SLIT3: variants seen among roughly 807,000 people sequenced by gnomAD.
SLIT3 encodes slit homolog 3 protein.
Under a neutral mutation model 184.0 loss-of-function variants are expected in SLIT3, and 68 were observed. The observed-to-expected ratio is 0.37, with a 90% CI of 0.30 to 0.45. SLIT3 has a LOEUF of 0.45. SLIT3 is among the 20% of genes least tolerant of loss of function. The pLI is 1.00. For missense variants in SLIT3, 1,707 were observed against 2,026.0 expected (o/e 0.84, Z 3.02); for synonymous variants, 831 against 828.6 (o/e 1.00, Z -0.05).
chr5:169,112,860 C>T (rs1392525621), intron 4 of SLIT3, among the ~76,000 whole-genome samples: 2 of 152,086 alleles, frequency 1.3e-5, no homozygotes, highest in Non-Finnish European at 2.9e-5. Flanking sequence ...GTTGGGCGGC[C>T]CTTCTCCCAT....
chr5:168,855,738 T>C (rs543266088), intron 5 of SLIT3, among the ~76,000 whole-genome samples: 1 of 151,994 alleles, frequency 6.6e-6, no homozygotes, highest in East Asian at 1.9e-4. Flanking sequence ...GAATGGGGAG[T>C]GACTGCCGAA....
intron 9 of SLIT3, among the ~76,000 whole-genome samples, chr5:168,800,139 G>C (rs1338667907): frequency 6.6e-6 from 1 of 152,202 alleles, no homozygotes; most frequent in African/African-American, 2.4e-5. Context: ...AGACAACTTA[G>C]ACCCCAAAGG....
intron 4 of SLIT3, among the ~76,000 whole-genome samples, chr5:168,941,651 G>A (rs1762336096): frequency 6.6e-6 from 1 of 152,176 alleles, no homozygotes; most frequent in African/African-American, 2.4e-5. Flanking sequence ...GTAACTGAAG[G>A]AGGAAATTAA....
chr5:169,300,120 A>T lies in SLIT3; in HGVS notation c.197+393T>A, dbSNP rs942539298. Among the ~76,000 whole-genome samples the T allele has an allele frequency of 6.6e-6, 1 of 152,192 alleles. No homozygotes were observed. The highest frequency in any genetic ancestry group is 1.5e-5 in the Non-Finnish European group (1 of 68,028). ...TCCCGCCTCCGCGCCTTGACGGCCC[A>T]TCATCCTATAGCTTTCTCCTTCGCC... On this transcript the variant is annotated intron_variant, in intron 1 of 35. Transcript: ENST00000519560. This position sits in a 1 kb window ranked among gnomAD's most constrained non-coding sequence, Gnocchi z 4.1.
At chr5:169,207,370 T>TACACACACACACAC (rs56721949) in intron 3 of SLIT3, among the ~76,000 whole-genome samples, 14 of 131,904 alleles carry the variant, frequency 1.1e-4, no homozygotes, top group South Asian at 2.7e-4. Context: ...TACACATACA[T>TACACACACACACAC]ACACACACAC....
rs11746168 is a variant in SLIT3 at position 168,833,709 on chromosome 5, G to A, written c.558-10378C>T. The stretch of plus-strand genomic sequence containing the variant: ...TTCCTGTCTGCTAATATAGGGGCAA[G>A]CAGACAGCAATAAAGAGAACTGGAT... On this transcript the variant is annotated intron_variant, in intron 6 of 35. Coordinates refer to ENST00000519560, the MANE Select transcript of SLIT3 (RefSeq NM_003062.4). 5.2e-3 allele frequency among the ~76,000 whole-genome samples: 790 copies of A among 152,344 alleles called. 7 individuals are homozygous for A. The highest frequency in any genetic ancestry group is 7.9e-3 in the Non-Finnish European group (539 of 68,038).
intron 1 of SLIT3, among the ~76,000 whole-genome samples, chr5:169,266,192 A>G (rs1766391369): frequency 6.6e-6 from 1 of 152,200 alleles, no homozygotes; most frequent in African/African-American, 2.4e-5. Flanking sequence ...AGGAGAGCAC[A>G]TGATAAAATG....
intron 5 of SLIT3, among the ~76,000 whole-genome samples, chr5:168,877,660 C>A (rs1038253305): frequency 2.0e-5 from 3 of 152,130 alleles, no homozygotes; most frequent in Non-Finnish European, 4.4e-5. Context: ...ACGGGCGGTG[C>A]GGCAACACAG....
At chr5:168,780,560 A>C (rs961981008) in intron 12 of SLIT3, among the ~76,000 whole-genome samples, 1 of 152,194 alleles carries the variant, frequency 6.6e-6, no homozygotes. Flanking sequence ...TTGTTATTTA[A>C]AAAAGTGCTC....
chr5:169,275,417 G>T (rs1019398012), intron 1 of SLIT3, among the ~76,000 whole-genome samples: 1 of 152,148 alleles, frequency 6.6e-6, no homozygotes, highest in Admixed American at 6.5e-5. Flanking sequence ...TCCAAACAAG[G>T]TTCACCTAGC....
At chr5:169,109,758 A>T (rs1209666781) in intron 4 of SLIT3, among the ~76,000 whole-genome samples, 1 of 152,094 alleles carries the variant, frequency 6.6e-6, no homozygotes, top group Non-Finnish European at 1.5e-5. Context: ...TGTTTTCTCT[A>T]TAATACTTTT....
At chr5:169,277,691 C>T (rs1766859219) in intron 1 of SLIT3, among the ~76,000 whole-genome samples, 1 of 152,150 alleles carries the variant, frequency 6.6e-6, no homozygotes, top group African/African-American at 2.4e-5. Flanking sequence ...CATATTTTGG[C>T]TATTGAGAAT....
At chr5:169,103,863 G>T (rs1760106331) in intron 4 of SLIT3, among the ~76,000 whole-genome samples, 1 of 152,190 alleles carries the variant, frequency 6.6e-6, no homozygotes, top group Non-Finnish European at 1.5e-5. Context: ...GCAAGGCCAG[G>T]GAAAGAACGA....
chr5:169,267,713 G>C (rs4346785), intron 1 of SLIT3, among the ~76,000 whole-genome samples: 32 of 152,136 alleles, frequency 2.1e-4, no homozygotes, highest in Admixed American at 5.2e-4. Context: ...CCCAGCTTGA[G>C]CCACAAAATA....
intron 6 of SLIT3, among the ~76,000 whole-genome samples, chr5:168,830,525 T>C (rs1757847615): frequency 6.6e-6 from 1 of 152,240 alleles, no homozygotes; most frequent in African/African-American, 2.4e-5. Flanking sequence ...GGATATCGCT[T>C]TGAAGCTTGC....
intron 4 of SLIT3, among the ~76,000 whole-genome samples, chr5:169,077,644 T>G (rs1193765627): frequency 3.9e-5 from 6 of 152,202 alleles, no homozygotes; most frequent in Non-Finnish European, 5.9e-5. Context: ...AGGCTATTAG[T>G]AGCTAAGTTT....
At chr5:168,699,673 A>G (rs1762160768) in intron 27 of SLIT3, among the ~76,000 whole-genome samples, 1 of 152,226 alleles carries the variant, frequency 6.6e-6, no homozygotes, top group Admixed American at 6.5e-5. Flanking sequence ...TGGAAGATCC[A>G]GGAATGAGCA....
At chr5:168,794,869 T>C (rs1756511701) in intron 10 of SLIT3, among the ~76,000 whole-genome samples, 1 of 152,148 alleles carries the variant, frequency 6.6e-6, no homozygotes, top group Non-Finnish European at 1.5e-5. Flanking sequence ...CTCCCTTCCT[T>C]CCTTTCTTTA....
At chr5:168,730,658 TA>T (rs982137358) in intron 20 of SLIT3, among the ~76,000 whole-genome samples, 16 of 150,254 alleles carry the variant, frequency 1.1e-4, no homozygotes, top group Admixed American at 4.0e-4. Context: ...AAATTAAAAT[TA>T]AAAAAAAATC....
Sources: allele counts gnomAD v4.1 joint callset (sites outside exome capture counted in the v4.1 genomes callset), GRCh38; gene constraint gnomAD v4.1.1; non-coding constraint Gnocchi (gnomAD v3.1); transcripts MANE v1.5; gene names NCBI Gene and HGNC (gene_info 2026-07-23, HGNC 2026-07-21).